ERBIN: variants seen among roughly 807,000 people sequenced by gnomAD.
The protein encoded by ERBIN is densin-180-like protein.
A neutral mutation model predicts 158.4 loss-of-function variants in ERBIN; 60 were observed. The observed-to-expected ratio is 0.38, with a 90% confidence interval of 0.31 to 0.47. ERBIN has a LOEUF of 0.47. ERBIN is among the 20% of genes least tolerant of loss of function. The pLI is 0.99. For synonymous variants in ERBIN, 594 were observed against 557.2 expected, an observed-to-expected ratio of 1.07 and a Z score of -0.93; for missense variants, 1,610 against 1,648.0, an observed-to-expected ratio of 0.98 and a Z score of 0.40.
chr5:66,026,059 CATTT>C (rs1381765524), intron 12 of ERBIN, 82 bp downstream of exon 12: 1 of 1,169,560 alleles, frequency 8.6e-7, no homozygotes, highest in Non-Finnish European at 1.2e-6. Context: ...AGTGTGGCTT[CATTT>C]ATTTTCTTTC....
chr5:65,966,341 T>C (rs1313800214), intron 1 of ERBIN, among the ~76,000 whole-genome samples: 1 of 152,196 alleles, frequency 6.6e-6, no homozygotes, highest in Non-Finnish European at 1.5e-5. Flanking sequence ...CTGGTTTATG[T>C]ATTTAGTATA....
chr5:65,997,284 A>G (rs1476816037), intron 4 of ERBIN, among the ~76,000 whole-genome samples: 2 of 152,180 alleles, frequency 1.3e-5, no homozygotes, highest in African/African-American at 2.4e-5. Flanking sequence ...CTTTCCGTCT[A>G]TACCTGATGT....
chr5:66,007,639 C>T (rs928525599), intron 4 of ERBIN, among the ~76,000 whole-genome samples: 16 of 151,948 alleles, frequency 1.1e-4, no homozygotes, highest in African/African-American at 3.6e-4. Flanking sequence ...AGGAACACTA[C>T]TAATGGGGGA....
At chr5:66,066,536 CAAAA>C (rs537870029) in intron 21 of ERBIN, among the ~76,000 whole-genome samples, 4 of 145,460 alleles carry the variant, frequency 2.7e-5, no homozygotes, top group Non-Finnish European at 6.1e-5. Context: ...AAAAAAAAAA[CAAAA>C]AAAACTGTAC....
At chr5:66,059,014 A>G (rs146409838) in intron 21 of ERBIN, among the ~76,000 whole-genome samples, 8,735 of 152,144 alleles carry the variant, frequency 0.057, 868 homozygotes, top group African/African-American at 0.2. Context: ...TGTCTTGGCA[A>G]TGCAGGCTCT....
intron 5 of ERBIN, among the ~76,000 whole-genome samples, chr5:66,012,329 A>T (rs534795473): frequency 6.6e-6 from 1 of 152,186 alleles, no homozygotes; most frequent in African/African-American, 2.4e-5. Flanking sequence ...TCCCAAAGAG[A>T]TAGTGAGAGT....
At chr5:66,023,201 A>C in intron 8 of ERBIN, 89 bp from the exon 9 acceptor site, 1 of 903,914 alleles carries the variant, frequency 1.1e-6, no homozygotes, top group Non-Finnish European at 1.8e-6. Flanking sequence ...ACTAAAGGTT[A>C]TTAGAAATTC....
Position 66,044,055 on chromosome 5 carries a change from A to T in ERBIN, c.1429-82A>T, listed in dbSNP as rs1026523093. On this transcript the variant is annotated intron_variant, in intron 16 of 25. Transcript: ENST00000284037. ...ATGAGCTTGATATCTAATGTAATTC[A>T]GATGGGTTACAGATTAAATTTTGTT... 9.8e-6 allele frequency: 10 copies of T among 1,019,414 alleles called. No homozygotes were observed. The African/African-American group carries it at 1.7e-4, about 17-fold the overall frequency. 63.1% of individuals were successfully genotyped at this position (1,019,414 alleles called of 1,614,324 possible).
At chr5:66,074,968 T>C in intron 22 of ERBIN, 56 bp from the exon 23 acceptor site, 1 of 1,522,622 alleles carries the variant, frequency 6.6e-7, no homozygotes, top group South Asian at 1.1e-5. Context: ...GAAATCCAAA[T>C]ATTTGAAATA....
rs1754417288 is a variant in ERBIN, at chr5:66,013,465, A to C, written c.387-84A>C. On this transcript the variant is annotated intron_variant, in intron 5 of 25. Coordinates refer to ENST00000284037, the MANE Select transcript of ERBIN (RefSeq NM_001253697.2). ...AAGCGACTGTTTTCTGTCTGTTGGGAAAATATCTTGTGAGAGTCTTAGATT... is the reference window on the plus strand; with the variant it reads ...AAGCGACTGTTTTCTGTCTGTTGGGCAAATATCTTGTGAGAGTCTTAGATT... 3.0e-6 allele frequency: 3 copies of C among 996,016 alleles called. No homozygotes were observed. In the East Asian group the frequency reaches 7.2e-5, roughly 24 times the overall value. 61.7% of individuals were successfully genotyped at this position (996,016 alleles called of 1,614,324 possible).
intron 21 of ERBIN, among the ~76,000 whole-genome samples, chr5:66,071,427 C>G (rs1364898845): frequency 6.6e-6 from 1 of 152,036 alleles, no homozygotes; most frequent in Non-Finnish European, 1.5e-5. Context: ...CTTATTTTTC[C>G]CCTAAAGCTA....
chr5:66,050,603 C>T (rs1758921823), intron 19 of ERBIN, among the ~76,000 whole-genome samples, 180 bp from the exon 20 acceptor site: 1 of 151,996 alleles, frequency 6.6e-6, no homozygotes, highest in Non-Finnish European at 1.5e-5. Context: ...ATATCACCAT[C>T]TAAAAATTAT....
rs1161235344 is a variant in ERBIN at position 66,081,656 on chromosome 5, T to C, written c.*3126T>C. 1 of 152,000 alleles carries C rather than the reference T, an allele frequency of 6.6e-6. No homozygotes were observed. The highest frequency in any genetic ancestry group is 6.6e-5 in the Admixed American group (1 of 15,256). 9.4% of individuals were successfully genotyped at this position (152,000 alleles called of 1,614,324 possible). A position where few individuals can be genotyped will look rare whatever the true frequency, so the allele number is the denominator to read the frequency against. ...CCTGTATATCTAGGTGTGGAAGAAG[T>C]GTAGTTTATCTCAAATTATTATTAT... On this transcript the variant is annotated 3_prime_UTR_variant, in exon 26 of 26. Coordinates refer to ENST00000284037, the MANE Select transcript of ERBIN (RefSeq NM_001253697.2).
intron 1 of ERBIN, among the ~76,000 whole-genome samples, chr5:65,952,043 A>G (rs954410517): frequency 3.3e-5 from 5 of 152,188 alleles, no homozygotes; most frequent in Non-Finnish European, 5.9e-5. Context: ...TAGAATGTAA[A>G]TACAATTCAG....
chr5:66,072,268 G>A lies in ERBIN; in HGVS notation c.3733G>A (p.Val1245Ile). ...YSSATLSHKD[V>I]PPDSLMKMPL... The stretch of plus-strand genomic sequence containing the variant: ...ATCAGCCACACTTAGTCACAAAGAT[G>A]TTCCTCCAGACAGCTTGATGAAAGT... Residue 1245 changes from valine (V) to isoleucine (I), a missense_variant, in exon 22 of 26, where the codon GTT (valine) becomes ATT (isoleucine). Physicochemically the swap from Val to Ile is conservative, Grantham distance 29. Around this residue, in one of 2 missense-constraint regions of ERBIN, gnomAD observed 1,014 missense variants for 936.1 expected, o/e 1.08. Coordinates refer to ENST00000284037, the MANE Select transcript of ERBIN (RefSeq NM_001253697.2). The A allele has an allele frequency of 6.5e-7, 1 of 1,550,338 alleles. No individual in the cohort carries two copies. Among genetic ancestry groups the A allele is most frequent in the Non-Finnish European group, 8.7e-7 (1 of 1,146,878 alleles).
chr5:65,977,405 C>T (rs1297027831), intron 1 of ERBIN, among the ~76,000 whole-genome samples: 127 of 141,096 alleles, frequency 9.0e-4, no homozygotes, highest in African/African-American at 3.3e-3. Context: ...TCAGACGGGG[C>T]GGCTGCCGGG....
At chr5:65,957,997 A>T (rs1312569443) in intron 1 of ERBIN, among the ~76,000 whole-genome samples, 2 of 150,428 alleles carry the variant, frequency 1.3e-5, no homozygotes, top group African/African-American at 4.9e-5. Flanking sequence ...GCGGCCGGGC[A>T]GAGGCGCTCC....
chr5:66,044,078 G>T, intron 16 of ERBIN, 59 bp from the exon 17 acceptor site: 1 of 1,285,514 alleles, frequency 7.8e-7, no homozygotes, highest in South Asian at 1.8e-5. Flanking sequence ...ATTAAATTTT[G>T]TTTGAGATTG....
intron 4 of ERBIN, among the ~76,000 whole-genome samples, chr5:66,003,137 T>C (rs905060941): frequency 2.0e-5 from 3 of 152,234 alleles, no homozygotes; most frequent in Admixed American, 1.3e-4. Context: ...TGACCAGAAC[T>C]CGAATGTTTT....
Sources: gnomAD v4.1 joint callset for allele counts (sites outside exome capture counted in the v4.1 genomes callset) on GRCh38, gnomAD v4.1.1 for gene constraint, gnomAD v4.1.1 regional missense constraint, MANE v1.5 for transcripts, NCBI Gene and HGNC (gene_info 2026-07-23, HGNC 2026-07-21) for gene names.